The following IGSF11 variants were observed in gnomAD, a reference collection of about 807,000 sequenced individuals.
IGSF11 encodes CXADR like 1.
In IGSF11, 22 loss-of-function variants were observed where a neutral mutation model predicts 41.0. The ratio of observed to expected loss-of-function variants is 0.54; its 90% confidence interval spans 0.38 to 0.77. The LOEUF (loss-of-function observed/expected upper bound fraction) is 0.77. Among genes scored for constraint, IGSF11 ranks in the 30% least tolerant of loss-of-function variants. The probability of loss-of-function intolerance (pLI) is 0.00; values close to 1 mark genes in which losing one functional copy is unlikely to be tolerated. For synonymous variants in IGSF11, 219 were observed against 201.3 expected (o/e 1.09, Z -0.74); for missense variants, 444 against 530.8 (o/e 0.84, Z 1.61).
rs183430311 is a variant in IGSF11, at chr3:118,983,741, C to A, written c.52+50790G>T. On this transcript the variant is annotated intron_variant, in intron 1 of 6. Coordinates refer to ENST00000393775, the MANE Select transcript of IGSF11 (RefSeq NM_001015887.3). ...ATCCCAAATCAATCTGGCTTCAGAG[C>A]CTAAGCAATTTTCCACTATATCTCA... 3.4e-4 allele frequency among the ~76,000 whole-genome samples: 52 copies of A among 152,230 alleles called. No individual in the cohort carries two copies. In the East Asian group the frequency reaches 7.7e-3, roughly 23 times the overall value.
At chr3:119,119,304 G>T (rs1010768911) in intron 1 of IGSF11, among the ~76,000 whole-genome samples, 1 of 152,172 alleles carries the variant, frequency 6.6e-6, no homozygotes, top group African/African-American at 2.4e-5. Flanking sequence ...ATGGAGGAAG[G>T]CAAGGAGGAG....
At chr3:119,050,149 G>C (rs1009244580) in intron 1 of IGSF11, among the ~76,000 whole-genome samples, 1 of 150,738 alleles carries the variant, frequency 6.6e-6, no homozygotes, top group African/African-American at 2.4e-5. Flanking sequence ...ATTGACAAAT[G>C]GGACCTAATT....
chr3:118,932,023 G>A lies in IGSF11; in HGVS notation c.53-1748C>T, dbSNP rs190043282. On this transcript the variant is annotated intron_variant, in intron 1 of 6. Coordinates refer to ENST00000393775, the MANE Select transcript of IGSF11 (RefSeq NM_001015887.3). ...GGTGGGATTACAGGCGTGAGCCACCGCACCTGGCCAAAAGTCACTGAATTT... is the reference window on the plus strand; with the variant it reads ...GGTGGGATTACAGGCGTGAGCCACCACACCTGGCCAAAAGTCACTGAATTT... Among the ~76,000 whole-genome samples, 201 of 152,188 alleles carry A rather than the reference G, an allele frequency of 1.3e-3. 1 individual carries two copies. The highest frequency in any genetic ancestry group is 4.5e-3 in the African/African-American group (188 of 41,512).
At chr3:118,976,928 T>C (rs2107628699) in intron 1 of IGSF11, among the ~76,000 whole-genome samples, 1 of 152,326 alleles carries the variant, frequency 6.6e-6, no homozygotes, top group East Asian at 1.9e-4. Context: ...AGAAGTGAAC[T>C]TCCTGTCACC....
chr3:119,031,025 G>A (rs1053769683), intron 1 of IGSF11, among the ~76,000 whole-genome samples: 2 of 152,130 alleles, frequency 1.3e-5, no homozygotes, highest in African/African-American at 4.8e-5. Flanking sequence ...GGGAGACTGG[G>A]GTGAGCAAAT....
intron 1 of IGSF11, among the ~76,000 whole-genome samples, chr3:119,115,496 G>C (rs1230903544): frequency 6.6e-6 from 1 of 152,050 alleles, no homozygotes; most frequent in African/African-American, 2.4e-5. Flanking sequence ...TTTCTCTGAT[G>C]ATCAATTATG....
At chr3:119,129,828 T>G (rs1009705062) in intron 1 of IGSF11, among the ~76,000 whole-genome samples, 1 of 151,966 alleles carries the variant, frequency 6.6e-6, no homozygotes, top group Admixed American at 6.6e-5. Flanking sequence ...CTGAAAAGAA[T>G]TTAAAAATTA....
Position 118,964,122 on chromosome 3 carries a change from C to G in IGSF11, c.53-33847G>C, listed in dbSNP as rs191450775. 3.0e-4 allele frequency among the ~76,000 whole-genome samples: 45 copies of G among 152,270 alleles called. 1 individual carries two copies. The highest frequency in any genetic ancestry group is 1.5e-3 in the Admixed American group (23 of 15,292). ...AGGATCTGCTCACTTCACCTGAGTT[C>G]TTTCACAGTTATGTCCTTTTGACTC... On this transcript the variant is annotated intron_variant, in intron 1 of 6. Coordinates refer to ENST00000393775, the MANE Select transcript of IGSF11 (RefSeq NM_001015887.3).
At chr3:118,928,108 T>C (rs1479544698) in intron 3 of IGSF11, among the ~76,000 whole-genome samples, 2 of 152,192 alleles carry the variant, frequency 1.3e-5, no homozygotes, top group African/African-American at 4.8e-5. Context: ...TACTCGGTGT[T>C]ACACAGATAT....
intron 1 of IGSF11, among the ~76,000 whole-genome samples, chr3:119,135,874 T>C (rs1006187682): frequency 5.3e-5 from 8 of 152,212 alleles, no homozygotes; most frequent in Admixed American, 3.9e-4. Flanking sequence ...CATGGAATAC[T>C]ATGCAGCCAT....
intron 1 of IGSF11, chr3:118,983,511 G>GT (rs1264064261): frequency 1.3e-5 from 2 of 152,160 alleles, no homozygotes; most frequent in African/African-American, 4.8e-5. Flanking sequence ...AAATAAAGAC[G>GT]TAATACTGAG....
Position 118,902,276 on chromosome 3 carries a change from G to A in IGSF11, c.*244C>T. On this transcript the variant is annotated 3_prime_UTR_variant, in exon 7 of 7. Transcript: ENST00000393775. ...CTCTTGTATCTTTTTCCTTGGCTTG[G>A]CACATCTTTGAGATCCAGCAGAATC... The A allele has an allele frequency of 2.2e-6, 1 of 458,408 alleles. No individual in the cohort carries two copies. Among genetic ancestry groups the A allele is most frequent in the Non-Finnish European group, 3.9e-6 (1 of 256,972 alleles). 28.4% of individuals were successfully genotyped at this position (458,408 alleles called of 1,614,324 possible).
intron 1 of IGSF11, among the ~76,000 whole-genome samples, chr3:119,023,491 A>G (rs1409493122): frequency 6.6e-6 from 1 of 152,140 alleles, no homozygotes; most frequent in African/African-American, 2.4e-5. Flanking sequence ...CCTGAACCAG[A>G]TACAAAATCA....
At chr3:118,905,019 A>T (rs1050992059) in intron 5 of IGSF11, among the ~76,000 whole-genome samples, 6 of 152,220 alleles carry the variant, frequency 3.9e-5, no homozygotes, top group Admixed American at 3.9e-4. Flanking sequence ...TTTTGAATGA[A>T]TAAACAATTA....
chr3:118,936,609 T>C (rs1009946741), intron 1 of IGSF11, among the ~76,000 whole-genome samples: 15 of 152,212 alleles, frequency 9.9e-5, no homozygotes, highest in African/African-American at 3.6e-4. Context: ...CTTGAATCTT[T>C]TCTTTGTACT....
intron 1 of IGSF11, among the ~76,000 whole-genome samples, chr3:119,138,055 A>G (rs533548238): frequency 6.6e-6 from 1 of 152,252 alleles, no homozygotes; most frequent in South Asian, 2.1e-4. Context: ...AAGACAGGCA[A>G]CATTGAATGC....
chr3:118,986,809 G>A (rs1171252545), intron 1 of IGSF11, among the ~76,000 whole-genome samples: 1 of 152,182 alleles, frequency 6.6e-6, no homozygotes, highest in African/African-American at 2.4e-5. Context: ...TGAGCAAAAA[G>A]AAAAGGCAAT....
At chr3:119,028,358 A>G (rs569307330) in intron 1 of IGSF11, among the ~76,000 whole-genome samples, 1 of 152,308 alleles carries the variant, frequency 6.6e-6, no homozygotes, top group African/African-American at 2.4e-5. Context: ...CTATTTCTAG[A>G]AAAGTGTCTC....
Position 118,903,538 on chromosome 3 carries a change from T to C in IGSF11, c.855-577A>G, listed in dbSNP as rs188907872. On this transcript the variant is annotated intron_variant, in intron 6 of 6. Coordinates refer to ENST00000393775, the MANE Select transcript of IGSF11 (RefSeq NM_001015887.3). ...GCCTGATTGTATTACCCTTTGGAGT[T>C]TGAGAAATCACTGTGGGGTGCTGAT... 1.6e-4 allele frequency among the ~76,000 whole-genome samples: 24 copies of C among 152,240 alleles called. No homozygotes were observed. The East Asian group carries it at 3.7e-3, about 23-fold the overall frequency.
Sources: gnomAD v4.1 joint callset for allele counts (sites outside exome capture counted in the v4.1 genomes callset) on GRCh38, gnomAD v4.1.1 for gene constraint, MANE v1.5 for transcripts, NCBI Gene and HGNC (gene_info 2026-07-23, HGNC 2026-07-21) for gene names.